CCDC178: variants seen among roughly 807,000 people sequenced by gnomAD.
The protein encoded by CCDC178 is coiled-coil domain containing 178, also known as coiled-coil domain-containing protein 178.
In CCDC178, 126 loss-of-function variants were observed where a neutral mutation model predicts 117.4. The observed-to-expected ratio is 1.07, with a 90% confidence interval of 0.93 to 1.24. The LOEUF (loss-of-function observed/expected upper bound fraction) is 1.24, where lower values mean the gene tolerates loss of function less well. Ranked by LOEUF, CCDC178 falls within the 50% of genes most tolerant of loss-of-function variation. The pLI is 0.00. For missense variants in CCDC178, 1,030 were observed against 986.9 expected (o/e 1.04, Z -0.59); for synonymous variants, 283 against 313.4 (o/e 0.90, Z 1.02).
At chr18:32,981,678 A>T (rs1294774315) in intron 21 of CCDC178, among the ~76,000 whole-genome samples, 1 of 152,222 alleles carries the variant, frequency 6.6e-6, no homozygotes, top group Non-Finnish European at 1.5e-5. Context: ...CATCTGTCAA[A>T]ATATAAAAAT....
chr18:33,185,912 T>G (rs546527049), intron 20 of CCDC178, among the ~76,000 whole-genome samples: 1 of 151,864 alleles, frequency 6.6e-6, no homozygotes, highest in Admixed American at 6.6e-5. Flanking sequence ...GGGTATTGTT[T>G]GAAAGAAAAA....
chr18:33,142,792 A>G (rs2058222606), intron 20 of CCDC178, among the ~76,000 whole-genome samples: 1 of 152,172 alleles, frequency 6.6e-6, no homozygotes, highest in Non-Finnish European at 1.5e-5. Flanking sequence ...ACAGAGAAAG[A>G]AGAATATCTA....
chr18:33,359,091 T>G (rs1284174855), intron 6 of CCDC178, among the ~76,000 whole-genome samples: 1 of 151,722 alleles, frequency 6.6e-6, no homozygotes, highest in African/African-American at 2.4e-5. Flanking sequence ...AAGAAGCCAT[T>G]TGAAGTTGAA....
chr18:32,954,571 G>A (rs527739179), intron 22 of CCDC178: 10 of 152,190 alleles, frequency 6.6e-5, no homozygotes, highest in Non-Finnish European at 1.3e-4. Flanking sequence ...TGCCATGGTG[G>A]AAGTATGAAA....
intron 12 of CCDC178, among the ~76,000 whole-genome samples, chr18:33,284,934 G>GAC (rs141502931): frequency 5.1e-4 from 76 of 149,130 alleles, no homozygotes; most frequent in East Asian, 2.0e-3. Context: ...CACACACACA[G>GAC]ACACACACAC....
intron 2 of CCDC178, among the ~76,000 whole-genome samples, chr18:33,429,120 A>C (rs2064169759): frequency 6.6e-6 from 1 of 152,160 alleles, no homozygotes; most frequent in South Asian, 2.1e-4. Flanking sequence ...TGACTTCATA[A>C]ATATATAAAG....
intron 14 of CCDC178, among the ~76,000 whole-genome samples, chr18:33,261,615 T>C (rs2059751875): frequency 1.3e-5 from 2 of 152,210 alleles, no homozygotes; most frequent in Non-Finnish European, 1.5e-5. Flanking sequence ...TTTCTAGCTA[T>C]CTCAACCTTG....
intron 12 of CCDC178, among the ~76,000 whole-genome samples, chr18:33,290,558 C>A (rs999208334): frequency 3.3e-5 from 5 of 152,016 alleles, no homozygotes; most frequent in African/African-American, 1.2e-4. Flanking sequence ...TAAGTGGATA[C>A]AGTTTCAATC....
chr18:33,213,957 G>A (rs934890788), intron 19 of CCDC178, among the ~76,000 whole-genome samples: 2 of 152,056 alleles, frequency 1.3e-5, no homozygotes, highest in African/African-American at 4.8e-5. Context: ...TGCCCACTAT[G>A]AGTTCTCAAT....
At chr18:33,196,453 A>G (rs1598988173) in intron 20 of CCDC178, among the ~76,000 whole-genome samples, 1 of 152,250 alleles carries the variant, frequency 6.6e-6, no homozygotes. Flanking sequence ...TTCTGTTACT[A>G]TGATAAAACT....
chr18:33,298,226 A>T lies in CCDC178; in HGVS notation c.1023-4914T>A, dbSNP rs1231457130. Among the ~76,000 whole-genome samples the T allele has an allele frequency of 9.9e-5, 15 of 152,208 alleles. 1 individual carries two copies. The highest frequency in any genetic ancestry group is 9.8e-4 in the Admixed American group (15 of 15,282). ...GATGAACATAGATAGAAACATCTTCAGCAAAATGCCAGGAAACTAATTCCA... is the reference window on the plus strand; with the variant it reads ...GATGAACATAGATAGAAACATCTTCTGCAAAATGCCAGGAAACTAATTCCA... On this transcript the variant is annotated intron_variant, in intron 11 of 22. Coordinates refer to ENST00000383096, the MANE Select transcript of CCDC178 (RefSeq NM_001105528.4).
intron 19 of CCDC178, among the ~76,000 whole-genome samples, 199 bp from the exon 20 acceptor site, chr18:33,212,254 A>G (rs886678054): frequency 6.6e-6 from 1 of 152,000 alleles, no homozygotes; most frequent in Non-Finnish European, 1.5e-5. Flanking sequence ...AAGAAAATCT[A>G]TGGAAGAACA....
intron 22 of CCDC178, chr18:32,954,049 G>T (rs912251106): frequency 6.6e-6 from 1 of 151,996 alleles, no homozygotes; most frequent in African/African-American, 2.4e-5. Context: ...AAACAATACG[G>T]TGTCCCTACT....
At chr18:33,017,216 A>T (rs2056010714) in intron 21 of CCDC178, among the ~76,000 whole-genome samples, 1 of 151,852 alleles carries the variant, frequency 6.6e-6, no homozygotes, top group African/African-American at 2.4e-5. Flanking sequence ...TTAAAAAATC[A>T]GTAAAAAAAT....
chr18:33,012,538 C>G (rs2055891987), intron 21 of CCDC178, among the ~76,000 whole-genome samples: 1 of 152,076 alleles, frequency 6.6e-6, no homozygotes, highest in South Asian at 2.1e-4. Context: ...GAAGAGAACT[C>G]AGAAATCATA....
At chr18:33,217,571 T>C (rs1436651225) in intron 18 of CCDC178, among the ~76,000 whole-genome samples, 1 of 151,978 alleles carries the variant, frequency 6.6e-6, no homozygotes, top group African/African-American at 2.4e-5. Flanking sequence ...AATGTCAAAA[T>C]ACTATATTGG....
intron 11 of CCDC178, among the ~76,000 whole-genome samples, chr18:33,309,362 A>G (rs2062304236): frequency 1.3e-5 from 2 of 152,176 alleles, no homozygotes; most frequent in South Asian, 4.1e-4. Flanking sequence ...GGAAATAATG[A>G]CTAGCTTTGT....
chr18:33,076,850 G>A (rs271519), intron 21 of CCDC178, among the ~76,000 whole-genome samples: 21,589 of 152,098 alleles, frequency 0.14, 2,371 homozygotes, highest in African/African-American at 0.31. Context: ...CTAATAGGAT[G>A]TATACCCTCA....
At chr18:33,212,491 T>G (rs1435500962) in intron 19 of CCDC178, among the ~76,000 whole-genome samples, 1 of 152,008 alleles carries the variant, frequency 6.6e-6, no homozygotes, top group Non-Finnish European at 1.5e-5. Flanking sequence ...CTTTCAAGGT[T>G]GCTGCCAACA....
Sources: allele counts gnomAD v4.1 joint callset (sites outside exome capture counted in the v4.1 genomes callset), GRCh38; gene constraint gnomAD v4.1.1; transcripts MANE v1.5; gene names NCBI Gene and HGNC (gene_info 2026-07-23, HGNC 2026-07-21).